Variants in MAB21L3 observed in about 807,000 individuals in gnomAD.
MAB21L3 encodes the protein protein mab-21-like 3.
A neutral mutation model predicts 37.7 loss-of-function variants in MAB21L3; 36 were observed. That is an observed-to-expected ratio of 0.96 (90% CI 0.73 to 1.26). The LOEUF (loss-of-function observed/expected upper bound fraction) is 1.26, where lower values mean the gene tolerates loss of function less well. Among genes scored for constraint, MAB21L3 ranks in the 50% most tolerant of loss-of-function variants. The pLI is 0.00. For missense variants in MAB21L3, 430 were observed against 447.3 expected (o/e 0.96, Z 0.35); for synonymous variants, 186 against 176.8 (o/e 1.05, Z -0.41).
In MAB21L3 at chr1:116,115,679, C is replaced by T. The variant is rs567964904; in HGVS notation, c.48+3016C>T. ...CATTGCAAGGAAGCGTATCGGAATG[C>T]AAGTGAGTCAGAGTGATATTATTAT... On this transcript the variant is annotated intron_variant, in intron 3 of 7. Transcript: ENST00000369500. Among the ~76,000 whole-genome samples the T allele has an allele frequency of 1.3e-4, 20 of 152,316 alleles. No individual in the cohort carries two copies. In the South Asian group the frequency reaches 4.1e-3, roughly 32 times the overall value.
rs1417841468 is a variant in MAB21L3 at position 116,137,327 on chromosome 1, A to C, written c.*3962A>C. ...AAAAGTGGGTGAAGGACATGAACAG[A>C]CACTTCTCAAAAGAAGACATTTATG... On this transcript the variant is annotated 3_prime_UTR_variant, in exon 8 of 8. Coordinates refer to ENST00000369500, the MANE Select transcript of MAB21L3 (RefSeq NM_152367.3). Among the ~76,000 whole-genome samples the C allele has an allele frequency of 8.1e-6, 1 of 123,106 alleles. No homozygotes were observed. Among genetic ancestry groups the C allele is most frequent in the Non-Finnish European group, 1.5e-5 (1 of 64,944 alleles). 80.8% of individuals were successfully genotyped at this position (123,106 alleles called of 152,430 possible).
rs900275400 is a variant in MAB21L3 at position 116,138,050 on chromosome 1, C to A, written c.*4685C>A. Among the ~76,000 whole-genome samples, 7 of 150,280 alleles carry A rather than the reference C, an allele frequency of 4.7e-5. No individual in the cohort carries two copies. The highest frequency in any genetic ancestry group is 1.7e-4 in the African/African-American group (7 of 40,698). ...ATGACGAGTTAGTGGGTGCAGCGCA[C>A]CAGCATGGCACATGTATACATATGT... On this transcript the variant is annotated 3_prime_UTR_variant, in exon 8 of 8. Transcript: ENST00000369500.
Position 116,127,479 on chromosome 1 carries a change from G to T in MAB21L3, c.495G>T (p.Leu165=). Residue 165 remains leucine, a synonymous_variant, in exon 6 of 8, where the codon CTG becomes CTT. Coordinates refer to ENST00000369500, the MANE Select transcript of MAB21L3 (RefSeq NM_152367.3). ...ATTTCCCACCAGGTAAGGTCAGCCT[G>T]CTAGGAAACCGCTCTGCAGTTTGGG... ...RTCHLSGKVS[L]LGNRSAVWVA... 1.9e-6 allele frequency: 3 copies of T among 1,613,862 alleles called. No individual in the cohort carries two copies. Among genetic ancestry groups the T allele is most frequent in the African/African-American group, 2.7e-5 (2 of 75,056 alleles).
rs150674727 is a variant in MAB21L3, at chr1:116,117,954, G to A, written c.49-2978G>A. On this transcript the variant is annotated intron_variant, in intron 3 of 7. Transcript: ENST00000369500. ...TTTGGGTGGGAAATCCTTACAAACT[G>A]GTTTTGCTCTCTGCTACCTCTTCTT... Among the ~76,000 whole-genome samples, 1,179 of 152,026 alleles carry A rather than the reference G, an allele frequency of 7.8e-3. 11 individuals carry two copies. Among genetic ancestry groups the A allele is most frequent in the South Asian group, 0.046 (221 of 4,816 alleles).
intron 7 of MAB21L3, among the ~76,000 whole-genome samples, chr1:116,128,944 T>A (rs555703607): frequency 6.6e-6 from 1 of 152,320 alleles, no homozygotes; most frequent in African/African-American, 2.4e-5. Context: ...AACCCAACAG[T>A]ACACATTCAT....
At chr1:116,114,943 G>C (rs1659546340) in intron 3 of MAB21L3, among the ~76,000 whole-genome samples, 1 of 152,096 alleles carries the variant, frequency 6.6e-6, no homozygotes, top group African/African-American at 2.4e-5. Flanking sequence ...CCAGGCTAAG[G>C]GAACCCCGTT....
At chr1:116,115,632 C>G (rs2101608112) in intron 3 of MAB21L3, among the ~76,000 whole-genome samples, 1 of 152,324 alleles carries the variant, frequency 6.6e-6, no homozygotes, top group Middle Eastern at 3.4e-3. Context: ...TGGCATGCTA[C>G]TTAGCACCAC....
At chr1:116,120,569 G>T (rs11805914) in intron 3 of MAB21L3, among the ~76,000 whole-genome samples, 18,281 of 150,520 alleles carry the variant, frequency 0.12, 1,179 homozygotes, top group East Asian at 0.16. Context: ...ATATAATATA[G>T]TATGTATTAT....
At chr1:116,131,081 C>A (rs892953936) in intron 7 of MAB21L3, among the ~76,000 whole-genome samples, 4 of 152,194 alleles carry the variant, frequency 2.6e-5, no homozygotes, top group Admixed American at 6.5e-5. Flanking sequence ...ATGGGCTAGC[C>A]TTTGCTGGGT....
intron 2 of MAB21L3, 111 bp from the exon 3 acceptor site, chr1:116,112,296 T>A (rs1241847980): frequency 8.4e-6 from 2 of 237,108 alleles, no homozygotes; most frequent in Non-Finnish European, 1.7e-5. Context: ...AAAATTGCTC[T>A]CTGGTGAAAG....
At chr1:116,121,920 G>A (rs1053320203) in intron 4 of MAB21L3, among the ~76,000 whole-genome samples, 3 of 152,084 alleles carry the variant, frequency 2.0e-5, no homozygotes, top group South Asian at 2.1e-4. Context: ...TCTTTATCTC[G>A]ATTTTTATTA....
At chr1:116,126,203 G>T (rs557687667) in intron 5 of MAB21L3, among the ~76,000 whole-genome samples, 1 of 152,240 alleles carries the variant, frequency 6.6e-6, no homozygotes, top group African/African-American at 2.4e-5. Context: ...GAGCAAATAA[G>T]GATGAATAGA....
At chr1:116,121,386 T>G (rs893223795) in intron 4 of MAB21L3, among the ~76,000 whole-genome samples, 1 of 152,090 alleles carries the variant, frequency 6.6e-6, no homozygotes, top group Non-Finnish European at 1.5e-5. Flanking sequence ...AAGATAGATG[T>G]TATTTCCTTT....
chr1:116,134,326 GC>G lies in MAB21L3; in HGVS notation c.*962del, dbSNP rs1660158234. 1 of 152,266 alleles carries G rather than the reference GC, an allele frequency of 6.6e-6. No individual in the cohort carries two copies. Among genetic ancestry groups the G allele is most frequent in the African/African-American group, 2.4e-5 (1 of 41,452 alleles). The allele number at this position is 152,266 out of a possible 1,614,324, so 9.4% of individuals were successfully genotyped here. On this transcript the variant is annotated 3_prime_UTR_variant, in exon 8 of 8. Transcript: ENST00000369500. ...ATGCTCATTAGGCACCGGGAACACA[GC>G]AAAGAGCAAAGTGGATGAGGACCTC...
chr1:116,127,036 A>G (rs1468821335), intron 5 of MAB21L3, among the ~76,000 whole-genome samples: 1 of 152,180 alleles, frequency 6.6e-6, no homozygotes, highest in Non-Finnish European at 1.5e-5. Context: ...GTATTAATAC[A>G]TTTTCAACTT....
In MAB21L3 at chr1:116,137,263, TCAAA is replaced by T. The variant is rs1660216445; in HGVS notation, c.*3903_*3906del. ...CTAATATCCAGAATCTACAATGAAC[TCAAA>T]CAAATTTACAAGAAAAAAACAAACA... On this transcript the variant is annotated 3_prime_UTR_variant, in exon 8 of 8. Coordinates refer to ENST00000369500, the MANE Select transcript of MAB21L3 (RefSeq NM_152367.3). Among the ~76,000 whole-genome samples, 1 of 111,712 alleles carries T rather than the reference TCAAA, an allele frequency of 9.0e-6. No homozygotes were observed. The highest frequency in any genetic ancestry group is 1.6e-5 in the Non-Finnish European group (1 of 62,468). 73.3% of individuals were successfully genotyped at this position (111,712 alleles called of 152,430 possible). A position where few individuals can be genotyped will look rare whatever the true frequency, so the allele number is the denominator to read the frequency against.
intron 7 of MAB21L3, among the ~76,000 whole-genome samples, chr1:116,130,675 C>T (rs1357443796): frequency 6.6e-6 from 1 of 152,216 alleles, no homozygotes; most frequent in African/African-American, 2.4e-5. Context: ...CACTCTCTTA[C>T]AAGGCCCTCA....
At chr1:116,120,035 T>C (rs2474925) in intron 3 of MAB21L3, among the ~76,000 whole-genome samples, 58,565 of 151,902 alleles carry the variant, frequency 0.39, 16,105 homozygotes, top group African/African-American at 0.79. Context: ...ACAAGTTAAG[T>C]GGTTTAATAT....
chr1:116,129,793 G>T (rs150645060), intron 7 of MAB21L3, among the ~76,000 whole-genome samples: 3 of 151,790 alleles, frequency 2.0e-5, no homozygotes, highest in Non-Finnish European at 4.4e-5. Context: ...TCTTTTTTTC[G>T]CACAAAATCA....
Sources: gnomAD v4.1 joint callset for allele counts (sites outside exome capture counted in the v4.1 genomes callset) on GRCh38, gnomAD v4.1.1 for gene constraint, MANE v1.5 for transcripts, NCBI Gene and HGNC (gene_info 2026-07-23, HGNC 2026-07-21) for gene names.